MRPL42: variants seen among roughly 807,000 people sequenced by gnomAD.
MRPL42 encodes large ribosomal subunit protein mL42.
Under a neutral mutation model 17.9 loss-of-function variants are expected in MRPL42, and 17 were observed. The observed-to-expected ratio is 0.95, with a 90% CI of 0.65 to 1.42. The LOEUF (loss-of-function observed/expected upper bound fraction) is 1.42, where lower values mean the gene tolerates loss of function less well. Ranked by LOEUF, MRPL42 falls within the 40% of genes most tolerant of loss-of-function variation. MRPL42 has a pLI of 0.00. For synonymous variants in MRPL42, 59 were observed against 54.4 expected (o/e 1.08, Z -0.37); for missense variants, 177 against 175.2 (o/e 1.01, Z -0.06).
chr12:93,474,992 C>T (rs1880091932), intron 2 of MRPL42, among the ~76,000 whole-genome samples: 1 of 152,038 alleles, frequency 6.6e-6, no homozygotes, highest in African/African-American at 2.4e-5. Flanking sequence ...ACTCGAGGGA[C>T]TGAGGTAGGA....
chr12:93,476,861 A>T, intron 2 of MRPL42, 93 bp from the exon 3 acceptor site: 1 of 1,149,702 alleles, frequency 8.7e-7, no homozygotes, highest in Non-Finnish European at 1.3e-6. Context: ...ACTAAACAGT[A>T]ATGTTGGTTG....
intron 3 of MRPL42, among the ~76,000 whole-genome samples, chr12:93,478,466 G>A (rs530671403): frequency 1.3e-5 from 2 of 152,084 alleles, no homozygotes; most frequent in South Asian, 4.2e-4. Flanking sequence ...ACCCAGGCTG[G>A]TCTCAAACTC....
At chr12:93,475,561 G>C (rs761710870) in intron 2 of MRPL42, among the ~76,000 whole-genome samples, 13 of 152,204 alleles carry the variant, frequency 8.5e-5, no homozygotes, top group Non-Finnish European at 1.6e-4. Context: ...TTGAGACTTT[G>C]ATTCTTGGCA....
chr12:93,491,200 A>G (rs1953406167), intron 5 of MRPL42, among the ~76,000 whole-genome samples: 1 of 152,222 alleles, frequency 6.6e-6, no homozygotes, highest in Non-Finnish European at 1.5e-5. Flanking sequence ...CAAAACACAC[A>G]TTTTTAAAAA....
rs1212009457 is a variant in MRPL42 at position 93,507,757 on chromosome 12, G to C, written c.*6536G>C. ...TGTCACCTGGGGCATTAGGGGGACT[G>C]TGTCTCTCATCATCCAGCAAGCTAG... On this transcript the variant is annotated 3_prime_UTR_variant, in exon 6 of 6. Transcript: ENST00000549982. 1 of 152,336 alleles carries C rather than the reference G, an allele frequency of 6.6e-6. No homozygotes were observed. The highest frequency in any genetic ancestry group is 6.5e-5 in the Admixed American group (1 of 15,278). 9.4% of individuals were successfully genotyped at this position (152,336 alleles called of 1,614,324 possible).
intron 4 of MRPL42, among the ~76,000 whole-genome samples, chr12:93,484,711 C>T (rs1880621447): frequency 6.6e-6 from 1 of 151,420 alleles, no homozygotes. Context: ...ATTCTTCTGC[C>T]TCAGCCTCCC....
At chr12:93,475,648 T>C (rs534238604) in intron 2 of MRPL42, among the ~76,000 whole-genome samples, 31 of 152,304 alleles carry the variant, frequency 2.0e-4, no homozygotes, top group Admixed American at 1.0e-3. Context: ...ATTAAAAGAA[T>C]ACCCTTTTTT....
chr12:93,478,612 A>G (rs984951998), intron 3 of MRPL42, among the ~76,000 whole-genome samples: 1 of 152,182 alleles, frequency 6.6e-6, no homozygotes, highest in Non-Finnish European at 1.5e-5. Context: ...AATAGGTAAC[A>G]GTTTTTGAAC....
intron 4 of MRPL42, among the ~76,000 whole-genome samples, chr12:93,485,396 T>G (rs1159919896): frequency 6.6e-6 from 1 of 151,242 alleles, no homozygotes; most frequent in South Asian, 2.1e-4. Flanking sequence ...CCTGTCTCAG[T>G]CTCCCAAAGT....
At chr12:93,482,017 T>C (rs1017955725) in intron 4 of MRPL42, among the ~76,000 whole-genome samples, 1 of 152,162 alleles carries the variant, frequency 6.6e-6, no homozygotes, top group African/African-American at 2.4e-5. Context: ...GACAATTATC[T>C]TCTCTGCCAC....
intron 4 of MRPL42, among the ~76,000 whole-genome samples, chr12:93,484,407 T>C (rs1880607293): frequency 6.6e-6 from 1 of 152,100 alleles, no homozygotes; most frequent in Non-Finnish European, 1.5e-5. Flanking sequence ...TACATAATTG[T>C]ATGTGCTATA....
chr12:93,496,329 G>C (rs1953503516), intron 5 of MRPL42, among the ~76,000 whole-genome samples: 1 of 152,062 alleles, frequency 6.6e-6, no homozygotes, highest in Non-Finnish European at 1.5e-5. Context: ...AAAGTGCTAA[G>C]ATTACAAGCA....
In MRPL42 at chr12:93,510,585, G is replaced by T. The variant is rs541818209; in HGVS notation, c.*9364G>T. ...CCAGCAGTGAATAAGGGTTCCTATT[G>T]CTCAACATCCCTGTCAGCACTTGGT... On this transcript the variant is annotated 3_prime_UTR_variant, in exon 6 of 6. Coordinates refer to ENST00000549982, the MANE Select transcript of MRPL42 (RefSeq NM_014050.4). 1 of 152,154 alleles carries T rather than the reference G, an allele frequency of 6.6e-6. No homozygotes were observed. Among genetic ancestry groups the T allele is most frequent in the Non-Finnish European group, 1.5e-5 (1 of 68,040 alleles). 9.4% of individuals were successfully genotyped at this position (152,154 alleles called of 1,614,324 possible). A position where few individuals can be genotyped will look rare whatever the true frequency, so the allele number is the denominator to read the frequency against.
chr12:93,514,854 ATTTT>A lies in MRPL42; in HGVS notation c.*13639_*13642del, dbSNP rs546643672. On this transcript the variant is annotated 3_prime_UTR_variant, in exon 6 of 6. Coordinates refer to ENST00000549982, the MANE Select transcript of MRPL42 (RefSeq NM_014050.4). ...TAAAATGTATTACCCAGGACAACAT[ATTTT>A]TTTTTACTGTGGACAGTATACTTTT... 28 of 151,244 alleles carry A rather than the reference ATTTT, an allele frequency of 1.9e-4. No homozygotes were observed. The highest frequency in any genetic ancestry group is 6.1e-4 in the African/African-American group (25 of 41,248). The allele number at this position is 151,244 out of a possible 1,614,324, so 9.4% of individuals were successfully genotyped here. A position where few individuals can be genotyped will look rare whatever the true frequency, so the allele number is the denominator to read the frequency against.
At chr12:93,486,746 C>G (rs1880759072) in intron 4 of MRPL42, among the ~76,000 whole-genome samples, 1 of 151,998 alleles carries the variant, frequency 6.6e-6, no homozygotes, top group African/African-American at 2.4e-5. Context: ...ATAATTTATA[C>G]CTTTGAGAAA....
chr12:93,476,151 C>G (rs778413977), intron 2 of MRPL42, among the ~76,000 whole-genome samples: 4 of 152,116 alleles, frequency 2.6e-5, no homozygotes, highest in Non-Finnish European at 5.9e-5. Context: ...ACCACCCCCC[C>G]TTTATAAACT....
chr12:93,485,005 T>TACAC lies in MRPL42; in HGVS notation c.220-2491_220-2490insCACA, dbSNP rs754993975. On this transcript the variant is annotated intron_variant, in intron 4 of 5. Transcript: ENST00000549982. The stretch of plus-strand genomic sequence containing the variant: ...ATATATATATATATATATATATATA[T>TACAC]ATATATATATATATATATATATAAA... Among the ~76,000 whole-genome samples the TACAC allele has an allele frequency of 1.3e-3, 63 of 49,684 alleles. 10 individuals are homozygous for TACAC. The highest frequency in any genetic ancestry group is 2.5e-3 in the African/African-American group (26 of 10,408). 32.6% of individuals were successfully genotyped at this position (49,684 alleles called of 152,430 possible). A position where few individuals can be genotyped will look rare whatever the true frequency, so the allele number is the denominator to read the frequency against.
intron 2 of MRPL42, among the ~76,000 whole-genome samples, chr12:93,471,254 C>T (rs1168863469): frequency 6.6e-6 from 1 of 152,130 alleles, no homozygotes. Context: ...ACTTCTGCCT[C>T]CCAGGTTCAA....
Position 93,504,188 on chromosome 12 carries a change from T to A in MRPL42, c.*2967T>A, listed in dbSNP as rs925645482. ...AGATGGAGGTTTGCTCTGCCCAAGC[T>A]GGAATGCAATGGCGCGATCTTGGCT... On this transcript the variant is annotated 3_prime_UTR_variant, in exon 6 of 6. Coordinates refer to ENST00000549982, the MANE Select transcript of MRPL42 (RefSeq NM_014050.4). 1.3e-5 allele frequency: 2 copies of A among 154,262 alleles called. No homozygotes were observed. Among genetic ancestry groups the A allele is most frequent in the Admixed American group, 6.5e-5 (1 of 15,274 alleles). The allele number at this position is 154,262 out of a possible 1,614,324, so 9.6% of individuals were successfully genotyped here. A position where few individuals can be genotyped will look rare whatever the true frequency, so the allele number is the denominator to read the frequency against.
Sources: gnomAD v4.1 joint callset for allele counts (sites outside exome capture counted in the v4.1 genomes callset) on GRCh38, gnomAD v4.1.1 for gene constraint, MANE v1.5 for transcripts, NCBI Gene and HGNC (gene_info 2026-07-23, HGNC 2026-07-21) for gene names.